Variants in CCDC91 observed in about 807,000 individuals in gnomAD.
CCDC91 encodes the protein coiled-coil domain containing 91.
In CCDC91, 48 loss-of-function variants were observed where a neutral mutation model predicts 63.2. The observed-to-expected ratio is 0.76, with a 90% confidence interval of 0.60 to 0.97. CCDC91 has a LOEUF of 0.97. Ranked by LOEUF, CCDC91 falls within the 50% of genes least tolerant of loss-of-function variation. The pLI is 0.00. For missense variants in CCDC91, 500 were observed against 494.6 expected (o/e 1.01, Z -0.10); for synonymous variants, 167 against 165.8 (o/e 1.01, Z -0.06).
At chr12:28,326,789 G>A (rs977433838) in intron 6 of CCDC91, among the ~76,000 whole-genome samples, 1 of 151,998 alleles carries the variant, frequency 6.6e-6, no homozygotes, top group African/African-American at 2.4e-5. Context: ...ATTGTAAGCG[G>A]AATTCAAAGT....
chr12:28,545,303 G>A (rs1172816467), intron 12 of CCDC91, among the ~76,000 whole-genome samples: 1 of 151,910 alleles, frequency 6.6e-6, no homozygotes, highest in Non-Finnish European at 1.5e-5. Context: ...AATTCTTCTC[G>A]CCTCAATAAA....
At chr12:28,399,062 T>C (rs1202808283) in intron 8 of CCDC91, among the ~76,000 whole-genome samples, 1 of 152,186 alleles carries the variant, frequency 6.6e-6, no homozygotes, top group Non-Finnish European at 1.5e-5. Context: ...GATTGGGTAA[T>C]TTATAAAGAA....
At chr12:28,210,110 T>C (rs1179136121) in intron 1 of CCDC91, among the ~76,000 whole-genome samples, 1 of 152,240 alleles carries the variant, frequency 6.6e-6, no homozygotes, top group Non-Finnish European at 1.5e-5. Context: ...TCCTTTCTTA[T>C]ATAAAATCTC....
intron 1 of CCDC91, among the ~76,000 whole-genome samples, chr12:28,227,368 G>A (rs1944336765): frequency 6.6e-6 from 1 of 151,974 alleles, no homozygotes; most frequent in African/African-American, 2.4e-5. Flanking sequence ...TACTTGGCTT[G>A]GCCAGTTTTA....
intron 1 of CCDC91, among the ~76,000 whole-genome samples, chr12:28,194,990 G>A (rs1190928709): frequency 6.6e-6 from 1 of 152,210 alleles, no homozygotes; most frequent in Admixed American, 6.5e-5. Context: ...ATTGCGAACA[G>A]TGAAAGAACA....
intron 1 of CCDC91, among the ~76,000 whole-genome samples, chr12:28,239,303 G>A (rs1478219529): frequency 1.3e-5 from 2 of 152,018 alleles, no homozygotes; most frequent in Non-Finnish European, 2.9e-5. Context: ...TTGTGGGAGG[G>A]AAGTTGGAGA....
intron 12 of CCDC91, among the ~76,000 whole-genome samples, chr12:28,532,075 T>C (rs1941783924): frequency 6.6e-6 from 1 of 152,098 alleles, no homozygotes; most frequent in South Asian, 2.1e-4. Context: ...TGCAGCTATT[T>C]TGAAGAAGGA....
intron 6 of CCDC91, among the ~76,000 whole-genome samples, chr12:28,341,038 T>C (rs1223419189): frequency 6.6e-6 from 1 of 152,064 alleles, no homozygotes; most frequent in African/African-American, 2.4e-5. Context: ...ATGCGGGCTT[T>C]CTTCTGTCCA....
intron 1 of CCDC91, among the ~76,000 whole-genome samples, chr12:28,215,667 T>G (rs534158321): frequency 1.1e-4 from 17 of 152,084 alleles, no homozygotes; most frequent in Admixed American, 9.2e-4. Context: ...TGAAAAAAAG[T>G]GAAATGCTTA....
intron 12 of CCDC91, among the ~76,000 whole-genome samples, chr12:28,516,854 A>G (rs1409141947): frequency 1.3e-5 from 2 of 151,920 alleles, no homozygotes; most frequent in East Asian, 3.9e-4. Flanking sequence ...AGCCCTCATG[A>G]TAATCACCTC....
intron 3 of CCDC91, among the ~76,000 whole-genome samples, chr12:28,301,157 C>T (rs574719911): frequency 6.6e-6 from 1 of 151,582 alleles, no homozygotes; most frequent in East Asian, 1.9e-4. Context: ...CTCATCTTTA[C>T]GGAAACACCT....
At chr12:28,410,481 A>T (rs1003038028) in intron 8 of CCDC91, among the ~76,000 whole-genome samples, 1 of 152,022 alleles carries the variant, frequency 6.6e-6, no homozygotes, top group Non-Finnish European at 1.5e-5. Context: ...TCCAACAATC[A>T]GTAGCTTTTA....
At chr12:28,411,448 A>G (rs1036140769) in intron 8 of CCDC91, among the ~76,000 whole-genome samples, 20 of 152,204 alleles carry the variant, frequency 1.3e-4, no homozygotes, top group African/African-American at 4.1e-4. Flanking sequence ...AAGATTTAAC[A>G]GATGATTTTA....
At chr12:28,238,745 A>G (rs918683463) in intron 1 of CCDC91, among the ~76,000 whole-genome samples, 5 of 152,196 alleles carry the variant, frequency 3.3e-5, no homozygotes, top group African/African-American at 4.8e-5. Flanking sequence ...GTCATTAAAA[A>G]GAATGAATCA....
intron 8 of CCDC91, among the ~76,000 whole-genome samples, chr12:28,407,478 AT>A (rs1947024204): frequency 6.6e-6 from 1 of 152,060 alleles, no homozygotes; most frequent in African/African-American, 2.4e-5. Flanking sequence ...CATTATTTTT[AT>A]TTTGCAAAGT....
intron 3 of CCDC91, among the ~76,000 whole-genome samples, chr12:28,273,351 A>G (rs1221954741): frequency 6.6e-6 from 1 of 152,172 alleles, no homozygotes; most frequent in Admixed American, 6.6e-5. Flanking sequence ...TTGGGTATAT[A>G]CCCAGTAATG....
chr12:28,224,320 A>G (rs148327923), intron 1 of CCDC91, among the ~76,000 whole-genome samples: 1 of 152,100 alleles, frequency 6.6e-6, no homozygotes, highest in African/African-American at 2.4e-5. Flanking sequence ...ACTGTCATCA[A>G]CCTATTTTTG....
At chr12:28,317,227 G>A (rs568346639) in intron 6 of CCDC91, among the ~76,000 whole-genome samples, 2 of 152,046 alleles carry the variant, frequency 1.3e-5, no homozygotes, top group South Asian at 2.1e-4. Context: ...ATCCCAGTTT[G>A]TGCTTCTATT....
At chr12:28,315,458 C>T (rs528349446) in intron 6 of CCDC91, among the ~76,000 whole-genome samples, 84 of 151,876 alleles carry the variant, frequency 5.5e-4, no homozygotes, top group Non-Finnish European at 9.4e-4. Context: ...GAGCACCATA[C>T]CTGACCTTGT....
Sources: allele counts gnomAD v4.1 joint callset (sites outside exome capture counted in the v4.1 genomes callset), GRCh38; gene constraint gnomAD v4.1.1; transcripts MANE v1.5; gene names NCBI Gene and HGNC (gene_info 2026-07-23, HGNC 2026-07-21).